Variants in ZNF248 observed in about 807,000 individuals in gnomAD.
The protein encoded by ZNF248 is KRAB protein domain.
Under a neutral mutation model 44.3 loss-of-function variants are expected in ZNF248, and 20 were observed. The ratio of observed to expected loss-of-function variants is 0.45; its 90% confidence interval spans 0.32 to 0.66. The LOEUF (loss-of-function observed/expected upper bound fraction) is 0.66. ZNF248 is among the 30% of genes least tolerant of loss of function. The probability of loss-of-function intolerance (pLI) is 0.04; values close to 1 mark genes in which losing one functional copy is unlikely to be tolerated. For synonymous variants in ZNF248, 224 were observed against 229.0 expected, an observed-to-expected ratio of 0.98 and a Z score of 0.20; for missense variants, 654 against 677.0, an observed-to-expected ratio of 0.97 and a Z score of 0.38.
downstream of ZNF248, among the ~76,000 whole-genome samples, chr10:37,828,344 A>T (rs2054729728): frequency 6.6e-6 from 1 of 152,106 alleles, no homozygotes; most frequent in African/African-American, 2.4e-5. Flanking sequence ...ATTTTTCTTT[A>T]TGGCGCTTAT....
rs1365055971 is a variant in ZNF248, at chr10:37,831,933, G to A, written c.1422C>T (p.Cys474=). 1.2e-6 allele frequency: 2 copies of A among 1,611,806 alleles called. No homozygotes were observed. Among genetic ancestry groups the A allele is most frequent in the Non-Finnish European group, 1.7e-6 (2 of 1,179,446 alleles). Residue 474 remains cysteine, a synonymous_variant, in exon 6 of 6, where the codon TGC becomes TGT. Coordinates refer to ENST00000395867, the MANE Select transcript of ZNF248 (RefSeq NM_021045.3). The stretch of plus-strand genomic sequence containing the variant: ...GATGCACAGTGAGGGCTGATCTGTG[G>A]CAGAAGGATTTCCCACATGCATTAC... ...YECNACGKSF[C]HRSALTVHQR... is the part of the protein sequence containing the mutation.
chr10:37,849,996 G>C (rs1282980588), intron 3 of ZNF248, among the ~76,000 whole-genome samples: 1 of 151,978 alleles, frequency 6.6e-6, no homozygotes, highest in Non-Finnish European at 1.5e-5. Flanking sequence ...GCTTGAACCT[G>C]GGGGGCAGAG....
chr10:37,827,772 T>C (rs1400417762), downstream of ZNF248, among the ~76,000 whole-genome samples: 3 of 151,838 alleles, frequency 2.0e-5, no homozygotes, highest in Non-Finnish European at 4.4e-5. Context: ...GGGGTAGGGG[T>C]TGAAGGCATC....
At chr10:37,804,077 T>C (rs2050170303) in intron 6 of ZNF248, 1 of 150,994 alleles carries the variant, frequency 6.6e-6, no homozygotes, top group Non-Finnish European at 1.5e-5. Flanking sequence ...TTCACCTCTC[T>C]AAACTTGTTT....
At chr10:37,806,530 T>C (rs1327414572) in intron 6 of ZNF248, among the ~76,000 whole-genome samples, 1 of 152,202 alleles carries the variant, frequency 6.6e-6, no homozygotes, top group African/African-American at 2.4e-5. Flanking sequence ...ATGGGCCATC[T>C]GAATATCTTT....
intron 6 of ZNF248, among the ~76,000 whole-genome samples, chr10:37,789,155 A>G (rs1374655648): frequency 6.6e-6 from 1 of 152,156 alleles, no homozygotes; most frequent in African/African-American, 2.4e-5. Flanking sequence ...CTGACAGCAT[A>G]TTGGCGTGAA....
At chr10:37,821,969 C>A (rs2053540387) in intron 6 of ZNF248, among the ~76,000 whole-genome samples, 4 of 152,294 alleles carry the variant, frequency 2.6e-5, no homozygotes, top group South Asian at 4.1e-4. Flanking sequence ...AGGATAAAGG[C>A]TAAAGACTGG....
chr10:37,786,356 A>C (rs2047868068), intron 6 of ZNF248, among the ~76,000 whole-genome samples: 1 of 152,108 alleles, frequency 6.6e-6, no homozygotes, highest in South Asian at 2.1e-4. Flanking sequence ...GTCATTCCCA[A>C]ATTATGTGGG....
At chr10:37,851,957 G>A (rs2060330234) in intron 3 of ZNF248, among the ~76,000 whole-genome samples, 1 of 151,948 alleles carries the variant, frequency 6.6e-6, no homozygotes, top group Admixed American at 6.6e-5. Context: ...ATTAAACTGT[G>A]ATATATCCAG....
chr10:37,801,234 G>C (rs1032828421), intron 6 of ZNF248, among the ~76,000 whole-genome samples: 1 of 151,846 alleles, frequency 6.6e-6, no homozygotes, highest in African/African-American at 2.4e-5. Flanking sequence ...AAATTAGCTG[G>C]ACGTGGTGGC....
intron 5 of ZNF248, 54 bp downstream of exon 5, chr10:37,837,563 T>C: frequency 2.1e-6 from 3 of 1,452,560 alleles, no homozygotes; most frequent in Non-Finnish European, 2.9e-6. Context: ...CCTAAACCAA[T>C]TACCTAAGTT....
chr10:37,803,934 G>C (rs11011374), intron 6 of ZNF248: 7,474 of 152,690 alleles, frequency 0.049, 266 homozygotes, highest in Middle Eastern at 0.095. Flanking sequence ...AGGCACATCA[G>C]TTCTCAATGC....
At chr10:37,807,189 T>C (rs1308394200) in intron 6 of ZNF248, among the ~76,000 whole-genome samples, 4 of 152,124 alleles carry the variant, frequency 2.6e-5, no homozygotes, top group Non-Finnish European at 5.9e-5. Context: ...TAAATGGTCT[T>C]GGTACCCGTG....
At chr10:37,765,914 C>G in the ZNF248 span, among the ~76,000 whole-genome samples, 18 of 152,352 alleles carry the variant, frequency 1.2e-4, no homozygotes, top group Non-Finnish European at 2.1e-4. Context: ...CACCCTAATA[C>G]TGCACTTTTC....
chr10:37,812,152 G>C (rs960577504), intron 6 of ZNF248, among the ~76,000 whole-genome samples: 1 of 151,890 alleles, frequency 6.6e-6, no homozygotes, highest in African/African-American at 2.4e-5. Flanking sequence ...TGAGAGGATC[G>C]ATTGATCCCA....
At chr10:37,837,158 G>A (rs1342099753) in intron 5 of ZNF248, among the ~76,000 whole-genome samples, 1 of 151,386 alleles carries the variant, frequency 6.6e-6, no homozygotes, top group Non-Finnish European at 1.5e-5. Flanking sequence ...TCTGTCACCA[G>A]GCTGGAGTAC....
chr10:37,856,673 T>TGTTA lies in ZNF248; in HGVS notation c.-125-145_-125-142dup, dbSNP rs1320287191. On this transcript the variant is annotated intron_variant, in intron 1 of 5. Coordinates refer to ENST00000395867, the MANE Select transcript of ZNF248 (RefSeq NM_021045.3). ...AGGCCATATTGTTTATCTGTTTACCTGTTAACACCATTAATGCCCTGAGGT... is the reference window on the plus strand; with the variant it reads ...AGGCCATATTGTTTATCTGTTTACCTGTTAGTTAACACCATTAATGCCCTGAGGT... 1.3e-5 allele frequency: 13 copies of TGTTA among 1,011,894 alleles called. No homozygotes were observed. In the African/African-American group the frequency reaches 2.2e-4, roughly 17 times the overall value. 62.7% of individuals were successfully genotyped at this position (1,011,894 alleles called of 1,614,324 possible).
intron 6 of ZNF248, chr10:37,819,599 A>C: frequency 1.2e-6 from 1 of 846,750 alleles, no homozygotes; most frequent in South Asian, 1.3e-5. Context: ...TATCCTTTTT[A>C]GTTCCCCGAT....
At chr10:37,775,319 C>A (rs1005588308), downstream of ZNF248, 6 of 152,048 alleles carry the variant, frequency 3.9e-5, no homozygotes, top group Non-Finnish European at 5.9e-5. Context: ...GCAATGGAAA[C>A]ATGAGAAATG....
Sources: gnomAD v4.1 joint callset for allele counts (sites outside exome capture counted in the v4.1 genomes callset) on GRCh38, gnomAD v4.1.1 for gene constraint, MANE v1.5 for transcripts, NCBI Gene and HGNC (gene_info 2026-07-23, HGNC 2026-07-21) for gene names.